The following CTXN3 variants were observed in gnomAD, a reference collection of about 807,000 sequenced individuals.
CTXN3 encodes cortexin-3.
Under a neutral mutation model 5.0 loss-of-function variants are expected in CTXN3, and 4 were observed. That is an observed-to-expected ratio of 0.79 (90% CI 0.39 to 1.82). The LOEUF is 1.82. Among genes scored for constraint, CTXN3 ranks in the 40% most tolerant of loss-of-function variants. The probability of loss-of-function intolerance (pLI) is 0.04; values close to 1 mark genes in which losing one functional copy is unlikely to be tolerated. For missense variants in CTXN3, 89 were observed against 99.7 expected, an observed-to-expected ratio of 0.89 and a Z score of 0.46; for synonymous variants, 48 against 38.6, an observed-to-expected ratio of 1.24 and a Z score of -0.91.
intron 1 of CTXN3, chr5:127,652,118 T>C (rs1338969235): frequency 6.6e-6 from 1 of 152,184 alleles, no homozygotes; most frequent in East Asian, 1.9e-4. Context: ...ATATTTCAGA[T>C]TCCACCCATC....
intron 2 of CTXN3, among the ~76,000 whole-genome samples, chr5:127,657,089 G>A (rs1435958275): frequency 6.6e-6 from 1 of 152,184 alleles, no homozygotes; most frequent in African/African-American, 2.4e-5. Context: ...GTGGAGCAGA[G>A]CAGGAGGAGA....
intron 2 of CTXN3, among the ~76,000 whole-genome samples, 175 bp from the exon 3 acceptor site, chr5:127,657,248 A>G (rs533228032): frequency 8.8e-4 from 134 of 152,298 alleles, no homozygotes; most frequent in Non-Finnish European, 1.4e-3. Flanking sequence ...ACAATCTGGT[A>G]ATTTCATGCA....
intron 1 of CTXN3, among the ~76,000 whole-genome samples, chr5:127,649,732 C>T (rs751865967): frequency 7.3e-5 from 11 of 151,710 alleles, no homozygotes; most frequent in Non-Finnish European, 1.3e-4. Flanking sequence ...TCACCTAAAA[C>T]GTCCAACCTT....
At chr5:127,653,628 C>G (rs533009613) in intron 2 of CTXN3, 3 of 152,242 alleles carry the variant, frequency 2.0e-5, no homozygotes, top group African/African-American at 7.2e-5. Context: ...CATTTTACTG[C>G]GAGACAGACA....
intron 2 of CTXN3, among the ~76,000 whole-genome samples, chr5:127,655,004 C>T (rs574697163): frequency 1.3e-5 from 2 of 152,232 alleles, no homozygotes; most frequent in Non-Finnish European, 2.9e-5. Context: ...TGGCTCATGC[C>T]TGTAATCCCA....
intron 2 of CTXN3, among the ~76,000 whole-genome samples, chr5:127,656,979 AG>A (rs1749921706): frequency 6.6e-6 from 1 of 152,190 alleles, no homozygotes; most frequent in Non-Finnish European, 1.5e-5. Flanking sequence ...TGAAGCTTGC[AG>A]TAAAGTGGCT....
intron 1 of CTXN3, among the ~76,000 whole-genome samples, chr5:127,650,606 A>C (rs1344378014): frequency 6.6e-6 from 1 of 152,232 alleles, no homozygotes; most frequent in Non-Finnish European, 1.5e-5. Context: ...CAAGAGGGCC[A>C]TGAATTCTTT....
intron 2 of CTXN3, among the ~76,000 whole-genome samples, chr5:127,656,154 G>T (rs1042885376): frequency 2.2e-4 from 33 of 151,934 alleles, no homozygotes; most frequent in Non-Finnish European, 3.8e-4. Flanking sequence ...ACTGTGCTTT[G>T]TAATTTTTAT....
Position 127,657,683 on chromosome 5 carries a change from T to A in CTXN3, c.162T>A (p.Asp54Glu). Residue 54 changes from aspartate (D) to glutamate (E), a missense_variant, in exon 3 of 3, where the codon GAT becomes GAA. By Grantham distance (45) the Asp-to-Glu change is conservative. Coordinates refer to ENST00000379445, the MANE Select transcript of CTXN3 (RefSeq NM_001048252.3). ...LIVRCFRILL[D>E]PYRSMPTSTW... Reference sequence around the variant, plus strand: ...TCCGGTGCTTCCGGATTCTTTTGGATCCATATCGAAGCATGCCAACCTCTA... The same window carrying A: ...TCCGGTGCTTCCGGATTCTTTTGGAACCATATCGAAGCATGCCAACCTCTA... 6.2e-7 allele frequency: 1 copy of A among 1,614,190 alleles called. No homozygotes were observed. The highest frequency in any genetic ancestry group is 8.5e-7 in the Non-Finnish European group (1 of 1,180,016).
At chr5:127,655,666 C>T (rs1749891698) in intron 2 of CTXN3, among the ~76,000 whole-genome samples, 2 of 152,178 alleles carry the variant, frequency 1.3e-5, no homozygotes, top group South Asian at 4.1e-4. Flanking sequence ...GGAATTAATA[C>T]CCAAGGCTAG....
In CTXN3 at chr5:127,658,455, A is replaced by G. The variant is rs1749966706; in HGVS notation, c.*688A>G. 6.0e-6 allele frequency: 1 copy of G among 167,132 alleles called. No individual in the cohort carries two copies. The highest frequency in any genetic ancestry group is 2.4e-5 in the African/African-American group (1 of 41,470). The allele number at this position is 167,132 out of a possible 1,614,324, so 10.4% of individuals were successfully genotyped here. On this transcript the variant is annotated 3_prime_UTR_variant, in exon 3 of 3. Coordinates refer to ENST00000379445, the MANE Select transcript of CTXN3 (RefSeq NM_001048252.3). ...ATTAATAACATGTGTAGAGGTAGCTATACATTACTTGAATTTACACTTTAC... is the reference window on the plus strand; with the variant it reads ...ATTAATAACATGTGTAGAGGTAGCTGTACATTACTTGAATTTACACTTTAC...
At chr5:127,656,492 T>A (rs1749909936) in intron 2 of CTXN3, among the ~76,000 whole-genome samples, 1 of 152,230 alleles carries the variant, frequency 6.6e-6, no homozygotes. Flanking sequence ...TTTGAAAATA[T>A]GCATCGATCA....
intron 2 of CTXN3, among the ~76,000 whole-genome samples, chr5:127,655,230 TCCAC>T (rs1212508126): frequency 6.6e-6 from 1 of 152,112 alleles, no homozygotes; most frequent in Non-Finnish European, 1.5e-5. Context: ...ACCATTGCAC[TCCAC>T]CTTGGGCAAC....
In CTXN3 at chr5:127,654,847, A is replaced by G. The variant is rs140114383; in HGVS notation, c.-100+1424A>G. 9.9e-5 allele frequency among the ~76,000 whole-genome samples: 15 copies of G among 152,280 alleles called. No individual in the cohort carries two copies. The East Asian group carries it at 2.7e-3, about 27-fold the overall frequency. ...TTCTCAAGGACTCAAAAGGTTCTCT[A>G]TCTAGTTCTTACCTGAATTTTTGGA... On this transcript the variant is annotated intron_variant, in intron 2 of 2. Transcript: ENST00000379445.
At chr5:127,654,718 C>T (rs1749865983) in intron 2 of CTXN3, among the ~76,000 whole-genome samples, 1 of 152,068 alleles carries the variant, frequency 6.6e-6, no homozygotes, top group African/African-American at 2.4e-5. Flanking sequence ...GAAGACTACT[C>T]CTGGGGTCAC....
At chr5:127,655,278 G>T in intron 2 of CTXN3, among the ~76,000 whole-genome samples, 1 of 152,026 alleles carries the variant, frequency 6.6e-6, no homozygotes, top group South Asian at 2.1e-4. Flanking sequence ...TAAAAAAAAA[G>T]ACTTTCTGAA....
intron 2 of CTXN3, among the ~76,000 whole-genome samples, chr5:127,656,103 CA>C (rs1485800759): frequency 6.6e-6 from 1 of 152,054 alleles, no homozygotes; most frequent in African/African-American, 2.4e-5. Context: ...TTTCATTGAG[CA>C]AAATTTATTT....
chr5:127,651,107 T>C (rs911614054), intron 1 of CTXN3, among the ~76,000 whole-genome samples: 4 of 152,160 alleles, frequency 2.6e-5, no homozygotes, highest in Non-Finnish European at 5.9e-5. Flanking sequence ...CCGTTCCTGT[T>C]AAAGTCTAAA....
chr5:127,657,589 T>C lies in CTXN3; in HGVS notation c.68T>C (p.Met23Thr), dbSNP rs772621107. The change falls in exon 3 of 3, where the codon ATG becomes ACG. Residue 23 changes from methionine to threonine, a missense_variant. Coordinates refer to ENST00000379445, the MANE Select transcript of CTXN3 (RefSeq NM_001048252.3). ...GGGAACGAATCAGCAGATTCTAGCA[T>C]GTCCCTGGAGCAGAAAATGACATTT... The part of the protein sequence containing the change: ...PLGNESADSS[M>T]SLEQKMTFVF... 3.1e-6 allele frequency: 5 copies of C among 1,614,210 alleles called. No homozygotes were observed. In the Admixed American group the frequency reaches 5.0e-5, roughly 16 times the overall value.
Sources: gnomAD v4.1 joint callset for allele counts (sites outside exome capture counted in the v4.1 genomes callset) on GRCh38, gnomAD v4.1.1 for gene constraint, MANE v1.5 for transcripts, NCBI Gene and HGNC (gene_info 2026-07-23, HGNC 2026-07-21) for gene names.